Variants in TNNT2 observed in about 807,000 individuals in gnomAD.
TNNT2 encodes the protein troponin T2, cardiac type.
TNNT2 carries 34 observed loss-of-function variants against 62.4 expected under a neutral mutation model. The observed-to-expected ratio is 0.54, with a 90% confidence interval of 0.41 to 0.72. The LOEUF (loss-of-function observed/expected upper bound fraction) is 0.72, where lower values mean the gene tolerates loss of function less well. Ranked by LOEUF, TNNT2 falls within the 30% of genes least tolerant of loss-of-function variation. TNNT2 has a pLI of 0.00. For synonymous variants in TNNT2, 123 were observed against 127.2 expected (o/e 0.97, Z 0.22); for missense variants, 275 against 381.9 (o/e 0.72, Z 2.33).
intron 8 of TNNT2, chr1:201,366,208 A>C: frequency 9.7e-7 from 1 of 1,030,514 alleles, no homozygotes; most frequent in Non-Finnish European, 1.2e-6. Context: ...GGAAGGGGGA[A>C]GGCACTGGGC....
chr1:201,377,265 G>A (rs1432858036), intron 1 of TNNT2, among the ~76,000 whole-genome samples: 1 of 152,188 alleles, frequency 6.6e-6, no homozygotes, highest in Non-Finnish European at 1.5e-5. Flanking sequence ...ATTGTATTTA[G>A]AGCAGGCAGA....
At position 201,359,180 on chromosome 1, in the gene TNNT2, GAGC is replaced by G. The variant is rs1558212597; in HGVS notation, c.*27_*29del. On this transcript the variant is annotated 3_prime_UTR_variant, in exon 17 of 17. Coordinates refer to ENST00000656932, the MANE Select transcript of TNNT2 (RefSeq NM_001276345.2). ...CAGGCCGGAGGCAGGTGCGAGCGAG[GAGC>G]AGATCTTTGGTGAAGGAGGCCAGGC... The G allele has an allele frequency of 1.2e-6, 2 of 1,603,320 alleles. No homozygotes were observed. Among genetic ancestry groups the G allele is most frequent in the Admixed American group, 3.4e-5 (2 of 58,168 alleles).
intron 15 of TNNT2, 62 bp downstream of exon 15, chr1:201,361,217 A>G: frequency 6.6e-7 from 1 of 1,509,080 alleles, no homozygotes; most frequent in South Asian, 1.1e-5. Flanking sequence ...GTATTACCGG[A>G]CCCAGTGAAC....
In TNNT2 at chr1:201,367,742, C is replaced by T. The variant is rs199895272; in HGVS notation, c.199+29G>A. 3.3e-5 allele frequency: 54 copies of T among 1,613,882 alleles called. No homozygotes were observed. The East Asian group carries it at 9.6e-4, about 29-fold the overall frequency. On this transcript the variant is annotated intron_variant, in intron 7 of 16. Coordinates refer to ENST00000656932, the MANE Select transcript of TNNT2 (RefSeq NM_001276345.2). Reference sequence around the variant, plus strand: ...GCTGCTGTGAGGGGTTCCTTTGCCTCCCTTGTACCTCTCTCCTGATATCCT... The same window carrying T: ...GCTGCTGTGAGGGGTTCCTTTGCCTTCCTTGTACCTCTCTCCTGATATCCT...
rs758497752 is a variant in TNNT2, at chr1:201,359,606, T to A, written c.851+17A>T. 1 of 1,598,020 alleles carries A rather than the reference T, an allele frequency of 6.3e-7. No individual in the cohort carries two copies. Among genetic ancestry groups the A allele is most frequent in the South Asian group, 1.1e-5 (1 of 88,612 alleles). On this transcript the variant is annotated intron_variant, in intron 16 of 16. Coordinates refer to ENST00000656932, the MANE Select transcript of TNNT2 (RefSeq NM_001276345.2). ...GGGCAGGGGGAGGGCTAGGCGAGAA[T>A]GACCTCAGACACTTACACTTTCTGG...
At chr1:201,362,206 GA>G in intron 13 of TNNT2, 179 bp downstream of exon 13, 1 of 1,256,008 alleles carries the variant, frequency 8.0e-7, no homozygotes, top group Non-Finnish European at 1.1e-6. Context: ...GTAGGGGCAA[GA>G]AGGATCACGT....
In TNNT2 at chr1:201,372,022, C is replaced by T; in HGVS notation, c.67+5G>A. 3 of 1,611,170 alleles carry T rather than the reference C, an allele frequency of 1.9e-6. No homozygotes were observed. Among genetic ancestry groups the T allele is most frequent in the Non-Finnish European group, 2.5e-6 (3 of 1,179,178 alleles). ...TCTGGCTCTCCACCTGCCTGAGGCA[C>T]ATACCTTCAACAGCTGCTTCTGCTC... On this transcript the variant is annotated splice_donor_5th_base_variant and intron_variant, in intron 4 of 16. Coordinates refer to ENST00000656932, the MANE Select transcript of TNNT2 (RefSeq NM_001276345.2).
At chr1:201,366,766 C>A in intron 8 of TNNT2, 72 bp downstream of exon 8, 1 of 1,613,030 alleles carries the variant, frequency 6.2e-7, no homozygotes, top group Non-Finnish European at 8.5e-7. Flanking sequence ...CACCATACTG[C>A]ACCCCGTTCC....
chr1:201,363,234 G>A, intron 12 of TNNT2, 62 bp downstream of exon 12: 1 of 1,612,206 alleles, frequency 6.2e-7, no homozygotes, highest in Non-Finnish European at 8.5e-7. Context: ...TGCTGCAGTG[G>A]ACACCTCATT....
intron 1 of TNNT2, 134 bp from the exon 2 acceptor site, chr1:201,373,402 C>T: frequency 1.2e-6 from 1 of 802,874 alleles, no homozygotes. Context: ...GCTGTGTGAC[C>T]TGCAACAAAA....
At chr1:201,365,976 C>A (rs779312125) in intron 8 of TNNT2, 28 of 1,264,104 alleles carry the variant, frequency 2.2e-5, no homozygotes, top group South Asian at 9.0e-5. Context: ...TGCTCAAAGC[C>A]ACACAACTTG....
chr1:201,364,285 A>T lies in TNNT2; in HGVS notation c.489+13T>A. On this transcript the variant is annotated intron_variant, in intron 11 of 16. Transcript: ENST00000656932. ...TGGGGGGCCTCCATGGGCCTGGGCT[A>T]GGGGTCACTCACAGCCAGGCGGTTC... 6.2e-7 allele frequency: 1 copy of T among 1,610,804 alleles called. No homozygotes were observed. Among genetic ancestry groups the T allele is most frequent in the East Asian group, 2.2e-5 (1 of 44,850 alleles).
intron 6 of TNNT2, 84 bp downstream of exon 6, chr1:201,368,078 T>TG: frequency 7.2e-7 from 1 of 1,394,376 alleles, no homozygotes; most frequent in Non-Finnish European, 1.0e-6. Context: ...AAGCCTGTTC[T>TG]GGGGGGTTTC....
chr1:201,366,981 G>T, intron 7 of TNNT2, 110 bp from the exon 8 acceptor site: 1 of 1,579,994 alleles, frequency 6.3e-7, no homozygotes. Context: ...CATCTGCACA[G>T]TGAGTCCCTC....
intron 12 of TNNT2, chr1:201,363,034 T>C: frequency 8.0e-6 from 7 of 875,570 alleles, no homozygotes; most frequent in Non-Finnish European, 9.6e-6. Flanking sequence ...TCCTGAGCAC[T>C]GCTGGAGCCA....
chr1:201,368,041 C>T (rs565009805), intron 6 of TNNT2, 121 bp downstream of exon 6: 86 of 1,105,308 alleles, frequency 7.8e-5, no homozygotes, highest in Middle Eastern at 2.2e-4. Context: ...GAATCTTAGT[C>T]AATAGGAGAG....
chr1:201,359,534 G>A, intron 16 of TNNT2, 89 bp downstream of exon 16: 1 of 1,332,440 alleles, frequency 7.5e-7, no homozygotes, highest in Non-Finnish European at 1.1e-6. Context: ...CTGGGAGCCT[G>A]GGGCCCTCCA....
intron 15 of TNNT2, among the ~76,000 whole-genome samples, chr1:201,359,887 T>G (rs1168764381): frequency 6.6e-6 from 1 of 152,110 alleles, no homozygotes; most frequent in Non-Finnish European, 1.5e-5. Context: ...GGCCTCCCAC[T>G]GTGGGGTCCC....
At chr1:201,370,966 CAA>C (rs1319417179) in intron 4 of TNNT2, among the ~76,000 whole-genome samples, 1 of 152,104 alleles carries the variant, frequency 6.6e-6, no homozygotes, top group African/African-American at 2.4e-5. Context: ...CCTTAAAAAC[CAA>C]AAAAGACGCC....
Sources: gnomAD v4.1 joint callset for allele counts (sites outside exome capture counted in the v4.1 genomes callset) on GRCh38, gnomAD v4.1.1 for gene constraint, MANE v1.5 for transcripts, NCBI Gene and HGNC (gene_info 2026-07-23, HGNC 2026-07-21) for gene names.